The following EPHB1 variants were observed in gnomAD, a reference collection of about 807,000 sequenced individuals.
EPHB1 encodes ephrin type-B receptor 1.
Under a neutral mutation model 94.4 loss-of-function variants are expected in EPHB1, and 30 were observed. The ratio of observed to expected loss-of-function variants is 0.32; its 90% CI spans 0.24 to 0.43. EPHB1 has a LOEUF of 0.43. Ranked by LOEUF, EPHB1 falls within the 20% of genes least tolerant of loss-of-function variation. The pLI is 1.00. For missense variants in EPHB1, 1,055 were observed against 1,308.3 expected (o/e 0.81, Z 2.99); for synonymous variants, 522 against 489.1 (o/e 1.07, Z -0.89).
At chr3:135,181,229 A>T (rs1329962611) in intron 10 of EPHB1, among the ~76,000 whole-genome samples, 1 of 152,152 alleles carries the variant, frequency 6.6e-6, no homozygotes, top group African/African-American at 2.4e-5. Flanking sequence ...CTTTCAGCAT[A>T]AGTGTGGTGG....
chr3:134,981,116 T>C (rs1934386600), intron 3 of EPHB1, among the ~76,000 whole-genome samples: 1 of 152,168 alleles, frequency 6.6e-6, no homozygotes, highest in South Asian at 2.1e-4. Flanking sequence ...AGATTCACTA[T>C]CTGCTTTATT....
At chr3:135,223,493 A>G (rs987789621) in intron 12 of EPHB1, among the ~76,000 whole-genome samples, 8 of 152,226 alleles carry the variant, frequency 5.3e-5, no homozygotes, top group Non-Finnish European at 5.9e-5. Flanking sequence ...GTCCCCAATC[A>G]TACTTTTTCT....
chr3:134,798,112 G>A (rs995284301), intron 1 of EPHB1, among the ~76,000 whole-genome samples: 5 of 152,150 alleles, frequency 3.3e-5, no homozygotes, highest in African/African-American at 1.2e-4. Context: ...GTCAGGGGGC[G>A]CCTCTCCCTG....
At chr3:135,032,229 C>T (rs369202936) in intron 3 of EPHB1, among the ~76,000 whole-genome samples, 2 of 151,004 alleles carry the variant, frequency 1.3e-5, no homozygotes, top group Non-Finnish European at 2.9e-5. Flanking sequence ...TGAGACTTCT[C>T]AGATGGATTC....
intron 10 of EPHB1, 104 bp from the exon 11 acceptor site, chr3:135,192,472 T>G: frequency 7.2e-7 from 1 of 1,390,168 alleles, no homozygotes. Context: ...GCCACTTTAA[T>G]CACAATTCCA....
chr3:135,168,921 A>C (rs1941728667), intron 9 of EPHB1, among the ~76,000 whole-genome samples: 1 of 152,144 alleles, frequency 6.6e-6, no homozygotes. Flanking sequence ...CTTAGGTGAG[A>C]GCTCCCTTTC....
chr3:134,979,525 G>T (rs548510449), intron 3 of EPHB1, among the ~76,000 whole-genome samples: 1 of 152,302 alleles, frequency 6.6e-6, no homozygotes, highest in East Asian at 1.9e-4. Context: ...GTGAGCGTTT[G>T]TACAGGGCTA....
At chr3:134,831,131 A>G (rs1286733619) in intron 1 of EPHB1, among the ~76,000 whole-genome samples, 1 of 152,188 alleles carries the variant, frequency 6.6e-6, no homozygotes, top group Non-Finnish European at 1.5e-5. Flanking sequence ...GAGAAGATGA[A>G]TCATAAGGGG....
chr3:135,238,552 C>T (rs995003209), intron 12 of EPHB1, among the ~76,000 whole-genome samples: 1 of 152,182 alleles, frequency 6.6e-6, no homozygotes, highest in Non-Finnish European at 1.5e-5. Flanking sequence ...CAAATCACCT[C>T]TTTGAAATTC....
chr3:135,116,106 C>T (rs1939693755), intron 4 of EPHB1, among the ~76,000 whole-genome samples: 1 of 152,116 alleles, frequency 6.6e-6, no homozygotes, highest in African/African-American at 2.4e-5. Context: ...CCCAGCTACT[C>T]AGGAGGCTGA....
In EPHB1 at chr3:134,903,757, C is replaced by T. The variant is rs577069126; in HGVS notation, c.59-22059C>T. Among the ~76,000 whole-genome samples, 10 of 152,236 alleles carry T rather than the reference C, an allele frequency of 6.6e-5. No homozygotes were observed. In the East Asian group the frequency reaches 1.9e-3, roughly 29 times the overall value. The stretch of plus-strand genomic sequence containing the variant: ...AGAATTAGGTAATAGATTAACCAGA[C>T]AGAGTTGGAAGGAAAGATTTGTGAA... On this transcript the variant is annotated intron_variant, in intron 1 of 15. Transcript: ENST00000398015.
At chr3:135,258,948 GT>G in intron 15 of EPHB1, 63 bp from the exon 16 acceptor site, 1 of 1,314,824 alleles carries the variant, frequency 7.6e-7, no homozygotes, top group Non-Finnish European at 1.1e-6. Context: ...TTAGTGATGA[GT>G]TTTGATCTGC....
intron 3 of EPHB1, among the ~76,000 whole-genome samples, chr3:134,964,307 C>T (rs1933645656): frequency 6.6e-6 from 1 of 152,158 alleles, no homozygotes; most frequent in African/African-American, 2.4e-5. Flanking sequence ...ATGGCAGAGG[C>T]CTTGTCTGTC....
At position 134,795,394 on chromosome 3, in the gene EPHB1, A is replaced by G. The variant is rs1334189399; in HGVS notation, c.-238A>G. ...CTCTCACACACGCACGCACACACCC[A>G]CCTCTCCCATAAACACACACACACA... On this transcript the variant is annotated 5_prime_UTR_variant, in exon 1 of 16. Transcript: ENST00000398015. 2 of 530,158 alleles carry G rather than the reference A, an allele frequency of 3.8e-6. No individual in the cohort carries two copies. The highest frequency in any genetic ancestry group is 6.6e-6 in the Non-Finnish European group (2 of 304,704). The allele number at this position is 530,158 out of a possible 1,614,324, so 32.8% of individuals were successfully genotyped here.
At chr3:134,998,501 T>C (rs1008188570) in intron 3 of EPHB1, among the ~76,000 whole-genome samples, 1 of 152,208 alleles carries the variant, frequency 6.6e-6, no homozygotes, top group Non-Finnish European at 1.5e-5. Flanking sequence ...GTACTAAGTC[T>C]GGGGAGGTTT....
At chr3:135,029,572 A>G (rs913018042) in intron 3 of EPHB1, among the ~76,000 whole-genome samples, 6 of 149,472 alleles carry the variant, frequency 4.0e-5, no homozygotes, top group Admixed American at 1.3e-4. Flanking sequence ...TCTGGCTTGT[A>G]GGGTTTCTGC....
At chr3:135,191,324 A>C (rs951903910) in intron 10 of EPHB1, among the ~76,000 whole-genome samples, 26 of 152,194 alleles carry the variant, frequency 1.7e-4, no homozygotes, top group African/African-American at 4.6e-4. Context: ...TTTGCATAAC[A>C]GTCCTTTCAC....
intron 1 of EPHB1, among the ~76,000 whole-genome samples, chr3:134,914,935 G>GCC (rs2107696517): frequency 6.6e-6 from 1 of 152,250 alleles, no homozygotes; most frequent in South Asian, 2.1e-4. Context: ...TGGTGAAGGG[G>GCC]CCCAGTGGAT....
At chr3:135,136,274 G>C (rs923071729) in intron 5 of EPHB1, among the ~76,000 whole-genome samples, 1 of 152,150 alleles carries the variant, frequency 6.6e-6, no homozygotes, top group African/African-American at 2.4e-5. Flanking sequence ...TTCACTCAGA[G>C]ACAGGCTTGT....
Sources: gnomAD v4.1 joint callset for allele counts (sites outside exome capture counted in the v4.1 genomes callset) on GRCh38, gnomAD v4.1.1 for gene constraint, MANE v1.5 for transcripts, NCBI Gene and HGNC (gene_info 2026-07-23, HGNC 2026-07-21) for gene names.